The following FTCDNL1 variants were observed in gnomAD, a reference collection of about 807,000 sequenced individuals.
FTCDNL1 encodes formiminotransferase N-terminal subdomain-containing protein.
In FTCDNL1, 11 loss-of-function variants were observed where a neutral mutation model predicts 5.9. That is an observed-to-expected ratio of 1.87 (90% confidence interval 1.18 to 3.10). FTCDNL1 has a LOEUF of 3.10. FTCDNL1 is among the 30% of genes most tolerant of loss of function. The probability of loss-of-function intolerance (pLI) is 0.00; values close to 1 mark genes in which losing one functional copy is unlikely to be tolerated. For missense variants in FTCDNL1, 115 were observed against 65.5 expected (o/e 1.76, Z -2.61); for synonymous variants, 58 against 24.8 (o/e 2.34, Z -3.99).
chr2:199,831,005 G>A (rs1702337429), intron 3 of FTCDNL1, among the ~76,000 whole-genome samples: 1 of 152,154 alleles, frequency 6.6e-6, no homozygotes, highest in South Asian at 2.1e-4. Flanking sequence ...TTTAAGGGAA[G>A]AAACAAAACT....
At chr2:199,726,630 T>C in the FTCDNL1 span, among the ~76,000 whole-genome samples, 32 of 152,294 alleles carry the variant, frequency 2.1e-4, no homozygotes, top group East Asian at 5.8e-3. Flanking sequence ...TTCTGTTTGT[T>C]TGTTTTTCTT....
At chr2:199,797,157 T>C (rs1700214318) in intron 3 of FTCDNL1, among the ~76,000 whole-genome samples, 1 of 152,226 alleles carries the variant, frequency 6.6e-6, no homozygotes, top group Non-Finnish European at 1.5e-5. Flanking sequence ...TAATATTGAA[T>C]AGTTATAAAG....
At chr2:199,775,405 T>C (rs751630857) in intron 3 of FTCDNL1, among the ~76,000 whole-genome samples, 1 of 152,236 alleles carries the variant, frequency 6.6e-6, no homozygotes, top group Non-Finnish European at 1.5e-5. Flanking sequence ...GCAAGGAGGC[T>C]GGCCTTTGTT....
At chr2:199,830,609 T>C (rs1702306502) in intron 3 of FTCDNL1, among the ~76,000 whole-genome samples, 1 of 152,180 alleles carries the variant, frequency 6.6e-6, no homozygotes, top group Non-Finnish European at 1.5e-5. Flanking sequence ...CACTAGACTC[T>C]TACACCACCA....
chr2:199,825,042 A>G (rs900146935), intron 3 of FTCDNL1, among the ~76,000 whole-genome samples: 5 of 151,688 alleles, frequency 3.3e-5, no homozygotes, highest in Non-Finnish European at 7.4e-5. Flanking sequence ...GGAGGCTGAG[A>G]TCAGAGGATT....
the FTCDNL1 span, among the ~76,000 whole-genome samples, chr2:199,730,418 G>C: frequency 6.6e-6 from 1 of 152,072 alleles, no homozygotes; most frequent in African/African-American, 2.4e-5. Context: ...TACAGAATAG[G>C]AGAAAATTTT....
chr2:199,774,039 G>T (rs1460305266), intron 3 of FTCDNL1, among the ~76,000 whole-genome samples: 1 of 152,160 alleles, frequency 6.6e-6, no homozygotes, highest in Non-Finnish European at 1.5e-5. Flanking sequence ...AGTCAGCTGG[G>T]AGTATTTGCA....
chr2:199,837,574 G>T (rs1352077397), intron 3 of FTCDNL1, among the ~76,000 whole-genome samples: 1 of 152,070 alleles, frequency 6.6e-6, no homozygotes, highest in Non-Finnish European at 1.5e-5. Context: ...TTGACAATCT[G>T]TAATAAGGTA....
At chr2:199,700,115 T>C in the FTCDNL1 span, among the ~76,000 whole-genome samples, 1 of 152,128 alleles carries the variant, frequency 6.6e-6, no homozygotes, top group African/African-American at 2.4e-5. Context: ...AAATTATCTC[T>C]CTTCATAGAC....
chr2:199,699,227 G>A, the FTCDNL1 span, among the ~76,000 whole-genome samples: 2 of 152,154 alleles, frequency 1.3e-5, no homozygotes, highest in Admixed American at 6.5e-5. Context: ...AAAACTTTGG[G>A]AGGTCAAGGC....
the FTCDNL1 span, among the ~76,000 whole-genome samples, chr2:199,685,073 T>C: frequency 6.6e-6 from 1 of 152,204 alleles, no homozygotes; most frequent in Admixed American, 6.5e-5. Flanking sequence ...TCCTCCATGT[T>C]AATGTAACTT....
the FTCDNL1 span, among the ~76,000 whole-genome samples, chr2:199,725,185 T>C: frequency 2.6e-5 from 4 of 152,352 alleles, no homozygotes; most frequent in African/African-American, 9.6e-5. Context: ...GTCTGTTTTG[T>C]CAGAAACTAG....
intron 2 of FTCDNL1, 127 bp downstream of exon 2, chr2:199,848,721 A>G (rs2076795081): frequency 1.7e-6 from 1 of 572,406 alleles, no homozygotes; most frequent in Non-Finnish European, 3.1e-6. Context: ...GCAACAGCTC[A>G]AGAGCAAGGA....
intron 3 of FTCDNL1, among the ~76,000 whole-genome samples, chr2:199,786,131 C>A (rs1418812912): frequency 2.0e-5 from 3 of 152,056 alleles, no homozygotes; most frequent in Non-Finnish European, 4.4e-5. Flanking sequence ...AGGCCACAGA[C>A]CAGTACCTGT....
chr2:199,714,189 C>T, the FTCDNL1 span, among the ~76,000 whole-genome samples: 1 of 152,118 alleles, frequency 6.6e-6, no homozygotes, highest in East Asian at 1.9e-4. Context: ...ATGTCTCATG[C>T]CTACTTTCTG....
intron 3 of FTCDNL1, among the ~76,000 whole-genome samples, chr2:199,762,061 AC>A (rs745631262): frequency 1.3e-5 from 2 of 152,192 alleles, no homozygotes; most frequent in South Asian, 2.1e-4. Flanking sequence ...AGAAAAAAAA[AC>A]AATCTTGTAA....
At chr2:199,847,364 A>G (rs2106634698) in intron 2 of FTCDNL1, among the ~76,000 whole-genome samples, 1 of 152,340 alleles carries the variant, frequency 6.6e-6, no homozygotes, top group Middle Eastern at 3.4e-3. Flanking sequence ...GAAGAAGATC[A>G]TGCAACTTCC....
chr2:199,691,731 A>G, the FTCDNL1 span, among the ~76,000 whole-genome samples: 1 of 152,218 alleles, frequency 6.6e-6, no homozygotes, highest in Non-Finnish European at 1.5e-5. Context: ...ACTACGGTCA[A>G]TCATTATCAT....
the FTCDNL1 span, among the ~76,000 whole-genome samples, chr2:199,702,484 C>T: frequency 6.6e-6 from 1 of 152,150 alleles, no homozygotes; most frequent in African/African-American, 2.4e-5. Flanking sequence ...GAGTGGCAGA[C>T]CCTCAGCATA....
Sources: gnomAD v4.1 joint callset for allele counts (sites outside exome capture counted in the v4.1 genomes callset) on GRCh38, gnomAD v4.1.1 for gene constraint, MANE v1.5 for transcripts, NCBI Gene and HGNC (gene_info 2026-07-23, HGNC 2026-07-21) for gene names.